Variants in LINGO1 observed in about 807,000 individuals in gnomAD.
The protein encoded by LINGO1 is leucine-rich repeat and immunoglobulin-like domain-containing nogo receptor-interacting protein 1.
LINGO1 carries 11 observed loss-of-function variants against 37.3 expected under a neutral mutation model. That is an observed-to-expected ratio of 0.29 (90% CI 0.19 to 0.49). The LOEUF (loss-of-function observed/expected upper bound fraction) is 0.49, where lower values mean the gene tolerates loss of function less well. LINGO1 is among the 20% of genes least tolerant of loss of function. The pLI is 0.99. For missense variants in LINGO1, 585 were observed against 878.2 expected (o/e 0.67, Z 4.22); for synonymous variants, 387 against 403.0 (o/e 0.96, Z 0.48).
intron 2 of LINGO1, among the ~76,000 whole-genome samples, chr15:77,713,826 C>T (rs1200577515): frequency 6.6e-6 from 1 of 152,100 alleles, no homozygotes; most frequent in South Asian, 2.1e-4. Context: ...GATTCCACAT[C>T]CTTTTGGCTT....
At chr15:77,623,669 G>A (rs1240874248) in intron 1 of LINGO1, among the ~76,000 whole-genome samples, 10 of 119,128 alleles carry the variant, frequency 8.4e-5, no homozygotes, top group East Asian at 7.8e-4. Flanking sequence ...GGTCCGCCCC[G>A]CCCCCACCTG....
Position 77,773,401 on chromosome 15 carries a change from C to A in LINGO1, c.-257+13468G>T, listed in dbSNP as rs117458607. Among the ~76,000 whole-genome samples the A allele has an allele frequency of 8.9e-3, 1,351 of 152,280 alleles. 6 individuals are homozygous for A. The highest frequency in any genetic ancestry group is 0.016 in the Non-Finnish European group (1,066 of 68,022). On this transcript the variant is annotated intron_variant, in intron 1 of 3. Transcript: ENST00000561686. Reference sequence around the variant, plus strand: ...GACTCACTTGACCTTGACACAGCAGCCCCTGATGTTGGCAGAGTCCCGACT... The same window carrying A: ...GACTCACTTGACCTTGACACAGCAGACCCTGATGTTGGCAGAGTCCCGACT...
chr15:77,659,693 G>C (rs577227504), intron 3 of LINGO1, among the ~76,000 whole-genome samples: 21 of 152,326 alleles, frequency 1.4e-4, no homozygotes, highest in African/African-American at 4.6e-4. Context: ...TCCCACACAG[G>C]AACAGAGGAG....
At chr15:77,704,008 T>A (rs1895851872) in intron 2 of LINGO1, among the ~76,000 whole-genome samples, 1 of 152,208 alleles carries the variant, frequency 6.6e-6, no homozygotes, top group African/African-American at 2.4e-5. Flanking sequence ...ACAAGGAGTT[T>A]GAGTCCGGGC....
At chr15:77,680,082 G>A (rs1022423634) in intron 2 of LINGO1, among the ~76,000 whole-genome samples, 2 of 152,224 alleles carry the variant, frequency 1.3e-5, no homozygotes, top group Non-Finnish European at 2.9e-5. Flanking sequence ...TGTCATTGAT[G>A]AGCCAAAGCA....
At chr15:77,689,849 C>T (rs780549281) in intron 2 of LINGO1, among the ~76,000 whole-genome samples, 6 of 152,158 alleles carry the variant, frequency 3.9e-5, no homozygotes, top group African/African-American at 9.7e-5. Flanking sequence ...ACCAAACCAG[C>T]GATGTCCCAA....
chr15:77,816,755 C>T (rs1404543612), intron 1 of LINGO1, among the ~76,000 whole-genome samples: 1 of 152,080 alleles, frequency 6.6e-6, no homozygotes. Context: ...TGGCTTGGGA[C>T]CCCAAATGAA....
chr15:77,803,553 T>C (rs1048775805), intron 1 of LINGO1, among the ~76,000 whole-genome samples: 2 of 152,096 alleles, frequency 1.3e-5, no homozygotes, highest in East Asian at 1.9e-4. Flanking sequence ...CCAAATCTCA[T>C]GGTGAAAGGT....
Position 77,800,557 on chromosome 15 carries a change from C to T in LINGO1, c.-457-4504G>A, listed in dbSNP as rs78304738. Among the ~76,000 whole-genome samples the T allele has an allele frequency of 2.0e-3, 306 of 152,300 alleles. 2 individuals carry two copies. The highest frequency in any genetic ancestry group is 7.1e-3 in the African/African-American group (293 of 41,550). ...GCCTGCAGCTGCCGAGAGGAACAGA[C>T]ACACAGCTGGGAAGGAGCCTACAAA... On this transcript the variant is annotated intron_variant, in intron 1 of 5. Coordinates refer to the LINGO1 transcript ENST00000562933.
chr15:77,791,525 G>T (rs1357394181), upstream of LINGO1, among the ~76,000 whole-genome samples: 6 of 152,052 alleles, frequency 3.9e-5, no homozygotes, highest in Non-Finnish European at 8.8e-5. Context: ...GGGCGGGGAA[G>T]AAAGTGTGGG....
intron 3 of LINGO1, among the ~76,000 whole-genome samples, chr15:77,640,827 CTCATTCATTCATTCAT>C (rs55914213): frequency 7.3e-5 from 11 of 150,484 alleles, no homozygotes; most frequent in African/African-American, 2.5e-4. Flanking sequence ...CATTCATCTC[CTCATTCATTCATTCAT>C]TCATTCATTC....
At chr15:77,761,737 G>A (rs1387672777) in intron 1 of LINGO1, among the ~76,000 whole-genome samples, 2 of 152,212 alleles carry the variant, frequency 1.3e-5, no homozygotes, top group Non-Finnish European at 2.9e-5. Flanking sequence ...TCAGGGACAT[G>A]GAGTGGAGTC....
chr15:77,779,739 C>A (rs111756275), intron 1 of LINGO1, among the ~76,000 whole-genome samples: 1 of 152,172 alleles, frequency 6.6e-6, no homozygotes, highest in African/African-American at 2.4e-5. Context: ...TGCTGTGTGG[C>A]CCAGTTCCTA....
At chr15:77,792,317 C>G (rs2076824766) in intron 2 of LINGO1, among the ~76,000 whole-genome samples, 1 of 152,222 alleles carries the variant, frequency 6.6e-6, no homozygotes, top group Non-Finnish European at 1.5e-5. Flanking sequence ...CCCACCACCT[C>G]TGGTCTGGAC....
At chr15:77,805,760 A>G (rs143225419) in intron 1 of LINGO1, among the ~76,000 whole-genome samples, 113 of 152,252 alleles carry the variant, frequency 7.4e-4, no homozygotes, top group African/African-American at 2.7e-3. Flanking sequence ...TGTAGGCTCC[A>G]AGGGCCACAA....
At chr15:77,689,938 C>T (rs551633328) in intron 2 of LINGO1, among the ~76,000 whole-genome samples, 1 of 152,236 alleles carries the variant, frequency 6.6e-6, no homozygotes, top group African/African-American at 2.4e-5. Flanking sequence ...CCTTTCTGTA[C>T]ATCATCTCAG....
At chr15:77,711,887 G>T (rs574932111) in intron 2 of LINGO1, among the ~76,000 whole-genome samples, 1 of 151,974 alleles carries the variant, frequency 6.6e-6, no homozygotes, top group African/African-American at 2.4e-5. Context: ...CCTCTGAGGG[G>T]GGGGCACACA....
At chr15:77,645,778 A>G (rs1264100962) in intron 3 of LINGO1, among the ~76,000 whole-genome samples, 1 of 152,254 alleles carries the variant, frequency 6.6e-6, no homozygotes, top group East Asian at 1.9e-4. Context: ...TGCACTGGGA[A>G]CTGAAGTGTA....
intron 1 of LINGO1, among the ~76,000 whole-genome samples, chr15:77,624,134 C>T (rs1280834031): frequency 9.1e-6 from 1 of 109,312 alleles, no homozygotes; most frequent in East Asian, 3.0e-4. Flanking sequence ...GTGTGTGTGG[C>T]CTGTGTGTGT....
Sources: gnomAD v4.1 joint callset for allele counts (sites outside exome capture counted in the v4.1 genomes callset) on GRCh38, gnomAD v4.1.1 for gene constraint, MANE v1.5 for transcripts, NCBI Gene and HGNC (gene_info 2026-07-23, HGNC 2026-07-21) for gene names.